Variants in NUP153 observed in about 807,000 individuals in gnomAD.
NUP153 encodes nucleoporin 153.
A neutral mutation model predicts 134.6 loss-of-function variants in NUP153; 27 were observed. The ratio of observed to expected loss-of-function variants is 0.20; its 90% confidence interval spans 0.15 to 0.28. NUP153 has a LOEUF of 0.28. NUP153 is among the 10% of genes least tolerant of loss of function. NUP153 has a pLI of 1.00. For synonymous variants in NUP153, 640 were observed against 623.5 expected (o/e 1.03, Z -0.40); for missense variants, 1,821 against 1,731.3 (o/e 1.05, Z -0.92).
At chr6:17,678,556 T>G (rs190166286) in intron 2 of NUP153, among the ~76,000 whole-genome samples, 190 of 152,312 alleles carry the variant, frequency 1.2e-3, no homozygotes, top group Non-Finnish European at 2.1e-3. Flanking sequence ...TTACTTGCAT[T>G]CCTTGATTAA....
rs1554136720 is a variant in NUP153, at chr6:17,628,619, A to AAT, written c.3544+35_3544+36insAT. 540 of 1,159,032 alleles carry AAT rather than the reference A, an allele frequency of 4.7e-4. No individual in the cohort carries two copies. Among genetic ancestry groups the AAT allele is most frequent in the Middle Eastern group, 6.5e-4 (2 of 3,098 alleles). 71.8% of individuals were successfully genotyped at this position (1,159,032 alleles called of 1,614,324 possible). A position where few individuals can be genotyped will look rare whatever the true frequency, so the allele number is the denominator to read the frequency against. On this transcript the variant is annotated intron_variant, in intron 18 of 21. Coordinates refer to ENST00000262077, the MANE Select transcript of NUP153 (RefSeq NM_005124.4). The surrounding 1 kb of genome is among the most constrained non-coding windows in gnomAD (Gnocchi z 5.4). ...GTAAAACGACAACTTGTAAAAAAAA[A>AAT]AATAATAATAATAATAATAAAAAGT...
In NUP153 at chr6:17,626,062, G is replaced by A. The variant is rs1307289920; in HGVS notation, c.3647C>T (p.Thr1216Ile). The A allele has an allele frequency of 6.2e-7, 1 of 1,614,122 alleles. No individual in the cohort carries two copies. The highest frequency in any genetic ancestry group is 1.7e-5 in the Admixed American group (1 of 60,022). Residue 1216 changes from threonine (T) to isoleucine (I), a missense_variant, in exon 19 of 22, where the codon ACC becomes ATC. Thr to Ile is a moderately conservative substitution (Grantham distance 89). Coordinates refer to ENST00000262077, the MANE Select transcript of NUP153 (RefSeq NM_005124.4). Reference protein sequence around the residue: ...SAGGGIFGSSTSSSNPPVATF... With the variant: ...SAGGGIFGSSISSSNPPVATF... ...AGCCACAGGTGGATTGGAGGAAGAG[G>A]TGGAACTACCAAATATGCCACCACC...
At chr6:17,641,122 T>C (rs1007695925) in intron 14 of NUP153, among the ~76,000 whole-genome samples, 4 of 152,236 alleles carry the variant, frequency 2.6e-5, no homozygotes, top group African/African-American at 9.6e-5. Context: ...CGTTATATTT[T>C]TAAGGGGCGA....
chr6:17,701,847 A>AGG lies in NUP153; in HGVS notation c.111+4429_111+4430insCC, dbSNP rs1554148736. 1.6e-3 allele frequency among the ~76,000 whole-genome samples: 128 copies of AGG among 78,104 alleles called. 14 individuals carry two copies. Among genetic ancestry groups the AGG allele is most frequent in the Non-Finnish European group, 2.3e-3 (79 of 33,820 alleles). 51.2% of individuals were successfully genotyped at this position (78,104 alleles called of 152,430 possible). A position where few individuals can be genotyped will look rare whatever the true frequency, so the allele number is the denominator to read the frequency against. On this transcript the variant is annotated intron_variant, in intron 1 of 21. Coordinates refer to ENST00000262077, the MANE Select transcript of NUP153 (RefSeq NM_005124.4). ...GACTCTGTCTCGGGGGGGGGGGGAA[A>AGG]AAAGCTAAATGCAGGAACTGACTTG... is the stretch of plus-strand genomic sequence containing the variant.
intron 17 of NUP153, among the ~76,000 whole-genome samples, chr6:17,631,185 G>T (rs1210143468): frequency 6.6e-6 from 1 of 152,084 alleles, no homozygotes; most frequent in Non-Finnish European, 1.5e-5. Context: ...AAATACCAGG[G>T]AACCTTACAC....
chr6:17,644,849 G>A (rs1766059629), intron 14 of NUP153, among the ~76,000 whole-genome samples: 1 of 152,142 alleles, frequency 6.6e-6, no homozygotes, highest in African/African-American at 2.4e-5. Flanking sequence ...ACTTTGGGAG[G>A]CCGAGGCAGG....
intron 2 of NUP153, among the ~76,000 whole-genome samples, chr6:17,679,742 G>A (rs1768463521): frequency 6.6e-6 from 1 of 152,176 alleles, no homozygotes; most frequent in Non-Finnish European, 1.5e-5. Context: ...CTACCTCGCT[G>A]ATGTTACACA....
Position 17,687,538 on chromosome 6 carries a change from A to T in NUP153, c.334+858T>A, listed in dbSNP as rs1769005513. Among the ~76,000 whole-genome samples the T allele has an allele frequency of 2.6e-5, 4 of 152,372 alleles. No individual in the cohort carries two copies. In the South Asian group the frequency reaches 8.3e-4, roughly 32 times the overall value. On this transcript the variant is annotated intron_variant, in intron 2 of 21. Coordinates refer to ENST00000262077, the MANE Select transcript of NUP153 (RefSeq NM_005124.4). ...TAGTTGAACATTACTAAGAAAAATT[A>T]GGTTTGCCATTTCTCTAAAATAAAA...
intron 11 of NUP153, among the ~76,000 whole-genome samples, chr6:17,652,157 C>T (rs143985779): frequency 1.5e-3 from 225 of 152,248 alleles, no homozygotes; most frequent in Middle Eastern, 3.4e-3. Flanking sequence ...TAACCATACC[C>T]TCCCTCCCCA....
intron 21 of NUP153, 27 bp downstream of exon 21, chr6:17,616,500 C>T: frequency 6.3e-7 from 1 of 1,583,254 alleles, no homozygotes; most frequent in Non-Finnish European, 8.6e-7. Context: ...AATGTAACTT[C>T]TCCATTTCAA....
intron 1 of NUP153, among the ~76,000 whole-genome samples, chr6:17,695,634 C>G (rs1769585349): frequency 6.6e-6 from 1 of 152,158 alleles, no homozygotes; most frequent in Non-Finnish European, 1.5e-5. Flanking sequence ...TTATGATGCA[C>G]AGCCAACTAT....
chr6:17,676,101 T>C (rs1460289106), intron 2 of NUP153, among the ~76,000 whole-genome samples: 1 of 152,242 alleles, frequency 6.6e-6, no homozygotes, highest in Non-Finnish European at 1.5e-5. Context: ...ACTTCTGCCT[T>C]ATAGTCCTAT....
chr6:17,645,482 T>C (rs1388946645), intron 14 of NUP153, among the ~76,000 whole-genome samples: 13 of 142,442 alleles, frequency 9.1e-5, no homozygotes, highest in Admixed American at 4.9e-4. Flanking sequence ...TTTTTTTTTT[T>C]CGGTAGGGAT....
intron 16 of NUP153, among the ~76,000 whole-genome samples, chr6:17,634,799 C>T (rs1765443500): frequency 6.6e-6 from 1 of 152,048 alleles, no homozygotes. Flanking sequence ...ATTTTATGTC[C>T]TCCATTCCTT....
chr6:17,701,840 G>A (rs903341214), intron 1 of NUP153, among the ~76,000 whole-genome samples: 1 of 103,670 alleles, frequency 9.6e-6, no homozygotes, highest in African/African-American at 3.7e-5. Context: ...CTCGGGGGGG[G>A]GGGGAAAAAA....
intron 1 of NUP153, among the ~76,000 whole-genome samples, chr6:17,701,834 G>GGGGT (rs1554148686): frequency 9.6e-6 from 1 of 103,736 alleles, no homozygotes; most frequent in Non-Finnish European, 2.1e-5. Flanking sequence ...CTCTGTCTCG[G>GGGGT]GGGGGGGGGG....
chr6:17,665,386 C>A lies in NUP153; in HGVS notation c.1069-1G>T. 1 of 1,601,958 alleles carries A rather than the reference C, an allele frequency of 6.2e-7. No homozygotes were observed. The highest frequency in any genetic ancestry group is 1.7e-4 in the Middle Eastern group (1 of 6,008). On this transcript the variant is annotated splice_acceptor_variant, in intron 8 of 21. Coordinates refer to ENST00000262077, the MANE Select transcript of NUP153 (RefSeq NM_005124.4). LOFTEE classifies it high-confidence loss of function. Reference sequence around the variant, plus strand: ...GAACAGGAGGATATTGAGAATCCACCTTACAGGTAAAGAGAAATCAAAAAC... The same window carrying A: ...GAACAGGAGGATATTGAGAATCCACATTACAGGTAAAGAGAAATCAAAAAC...
At chr6:17,663,260 C>CACACATATAT (rs1389702878) in intron 9 of NUP153, among the ~76,000 whole-genome samples, 3,017 of 139,982 alleles carry the variant, frequency 0.022, 44 homozygotes, top group Non-Finnish European at 0.037. Flanking sequence ...CACACACACA[C>CACACATATAT]ATATATATAT....
In NUP153 at chr6:17,680,954, A is replaced by G. The variant is rs968329127; in HGVS notation, c.335-5184T>C. On this transcript the variant is annotated intron_variant, in intron 2 of 21. Transcript: ENST00000262077. The surrounding 1 kb of genome is among the most constrained non-coding windows in gnomAD (Gnocchi z 4.5). Reference sequence around the variant, plus strand: ...TATATCCAAGTTAAAGGAAACTAGTATATCAAAGAGATAATCTGCACTCGC... The same window carrying G: ...TATATCCAAGTTAAAGGAAACTAGTGTATCAAAGAGATAATCTGCACTCGC... Among the ~76,000 whole-genome samples, 3 of 152,240 alleles carry G rather than the reference A, an allele frequency of 2.0e-5. No homozygotes were observed. Among genetic ancestry groups the G allele is most frequent in the Non-Finnish European group, 2.9e-5 (2 of 68,044 alleles).
Sources: gnomAD v4.1 joint callset for allele counts (sites outside exome capture counted in the v4.1 genomes callset) on GRCh38, gnomAD v4.1.1 for gene constraint, Gnocchi (gnomAD v3.1) non-coding constraint, MANE v1.5 for transcripts, NCBI Gene and HGNC (gene_info 2026-07-23, HGNC 2026-07-21) for gene names.